GALNT13: variants seen among roughly 807,000 people sequenced by gnomAD.
GALNT13 encodes the protein polypeptide N-acetylgalactosaminyltransferase 13.
A neutral mutation model predicts 64.2 loss-of-function variants in GALNT13; 28 were observed. The ratio of observed to expected loss-of-function variants is 0.44; its 90% confidence interval spans 0.32 to 0.60. The LOEUF is 0.60. Ranked by LOEUF, GALNT13 falls within the 20% of genes least tolerant of loss-of-function variation. The pLI is 0.05. For missense variants in GALNT13, 577 were observed against 669.8 expected (o/e 0.86, Z 1.53); for synonymous variants, 214 against 224.6 (o/e 0.95, Z 0.42).
the GALNT13 span, among the ~76,000 whole-genome samples, chr2:153,202,236 G>A: frequency 2.0e-5 from 3 of 151,482 alleles, no homozygotes; most frequent in African/African-American, 7.3e-5. Context: ...CACCCGCCTC[G>A]GCCTCCCAAA....
At chr2:154,219,838 A>G (rs1688233956) in intron 4 of GALNT13, among the ~76,000 whole-genome samples, 1 of 152,082 alleles carries the variant, frequency 6.6e-6, no homozygotes, top group Admixed American at 6.6e-5. Flanking sequence ...TGATTTGCAG[A>G]AGCTTTAAGG....
chr2:153,327,227 C>G, the GALNT13 span, among the ~76,000 whole-genome samples: 2 of 152,064 alleles, frequency 1.3e-5, no homozygotes, highest in Non-Finnish European at 2.9e-5. Flanking sequence ...TCTGGCTGCC[C>G]TTAACGTTTT....
chr2:154,041,235 C>T (rs1030217569), intron 3 of GALNT13, among the ~76,000 whole-genome samples: 1 of 140,344 alleles, frequency 7.1e-6, no homozygotes, highest in Non-Finnish European at 1.6e-5. Context: ...ATAGAAATTA[C>T]TCAAGCTATC....
the GALNT13 span, among the ~76,000 whole-genome samples, chr2:153,658,636 A>G: frequency 6.6e-6 from 1 of 152,188 alleles, no homozygotes; most frequent in Non-Finnish European, 1.5e-5. Context: ...AAGAGTATAT[A>G]TGACATCTTT....
chr2:153,518,850 T>G, the GALNT13 span, among the ~76,000 whole-genome samples: 5 of 152,082 alleles, frequency 3.3e-5, no homozygotes, highest in Non-Finnish European at 7.4e-5. Context: ...AATTGAGAGC[T>G]CTACTGAAAA....
chr2:153,202,032 C>T, the GALNT13 span, among the ~76,000 whole-genome samples: 11 of 137,888 alleles, frequency 8.0e-5, no homozygotes, highest in East Asian at 1.7e-3. Flanking sequence ...GGCCGGACTG[C>T]GGACTGCAGT....
chr2:153,880,674 A>G (rs1161702879), intron 1 of GALNT13, among the ~76,000 whole-genome samples: 1 of 152,160 alleles, frequency 6.6e-6, no homozygotes, highest in Non-Finnish European at 1.5e-5. Flanking sequence ...AGGATTATAT[A>G]TCACTTGTCC....
the GALNT13 span, among the ~76,000 whole-genome samples, chr2:153,599,471 T>C: frequency 3.9e-5 from 6 of 152,024 alleles, no homozygotes; most frequent in Non-Finnish European, 8.8e-5. Flanking sequence ...CAGCCACTTA[T>C]GAGGGAGAAC....
the GALNT13 span, among the ~76,000 whole-genome samples, chr2:153,835,939 G>C: frequency 6.6e-6 from 1 of 151,880 alleles, no homozygotes; most frequent in Non-Finnish European, 1.5e-5. Flanking sequence ...TGCCATTTTG[G>C]GGGGAATAGT....
chr2:153,078,144 T>G, the GALNT13 span, among the ~76,000 whole-genome samples: 313 of 152,222 alleles, frequency 2.1e-3, no homozygotes, highest in African/African-American at 6.3e-3. Flanking sequence ...TTATTATTTT[T>G]TTTTAACTTG....
intron 1 of GALNT13, among the ~76,000 whole-genome samples, chr2:153,894,228 A>G (rs9636324): frequency 0.14 from 21,545 of 152,022 alleles, 1,736 homozygotes; most frequent in South Asian, 0.21. Context: ...ACCCACTTGA[A>G]TCTCTCGAGA....
the GALNT13 span, among the ~76,000 whole-genome samples, chr2:153,630,194 C>G: frequency 1.3e-5 from 2 of 151,934 alleles, no homozygotes; most frequent in Admixed American, 6.6e-5. Context: ...AAGACACATG[C>G]ACACGTATGT....
chr2:153,805,951 CATAT>C, the GALNT13 span, among the ~76,000 whole-genome samples: 11 of 151,942 alleles, frequency 7.2e-5, no homozygotes, highest in Admixed American at 7.2e-4. Context: ...CATATATAAA[CATAT>C]ATAATATAGT....
chr2:154,391,368 G>A (rs1698783777), intron 9 of GALNT13, among the ~76,000 whole-genome samples: 1 of 152,132 alleles, frequency 6.6e-6, no homozygotes, highest in African/African-American at 2.4e-5. Context: ...ATCAAAATCT[G>A]GACTGAGCAA....
At chr2:154,018,506 G>C (rs1052652358) in intron 3 of GALNT13, among the ~76,000 whole-genome samples, 29 of 152,060 alleles carry the variant, frequency 1.9e-4, no homozygotes, top group African/African-American at 7.0e-4. Context: ...ATTAGCTTGT[G>C]TGTATAGGAA....
chr2:154,134,935 G>A (rs1393597897), intron 3 of GALNT13, among the ~76,000 whole-genome samples: 1 of 152,180 alleles, frequency 6.6e-6, no homozygotes, highest in African/African-American at 2.4e-5. Context: ...GCAGTGAGCT[G>A]AGATCGCACC....
At chr2:153,644,657 C>T in the GALNT13 span, among the ~76,000 whole-genome samples, 20 of 152,116 alleles carry the variant, frequency 1.3e-4, no homozygotes, top group African/African-American at 4.6e-4. Context: ...TACCTCTACC[C>T]CTTCACCAAC....
At chr2:153,240,262 T>C in the GALNT13 span, among the ~76,000 whole-genome samples, 3 of 152,182 alleles carry the variant, frequency 2.0e-5, no homozygotes, top group Non-Finnish European at 2.9e-5. Flanking sequence ...TTTTTTTAAA[T>C]CAACTTTTTA....
chr2:153,767,850 G>A, the GALNT13 span, among the ~76,000 whole-genome samples: 2 of 151,180 alleles, frequency 1.3e-5, no homozygotes, highest in South Asian at 4.2e-4. Flanking sequence ...CTGGATATTA[G>A]TTCCTTGTCA....
Sources: gnomAD v4.1 joint callset for allele counts (sites outside exome capture counted in the v4.1 genomes callset) on GRCh38, gnomAD v4.1.1 for gene constraint, MANE v1.5 for transcripts, NCBI Gene and HGNC (gene_info 2026-07-23, HGNC 2026-07-21) for gene names.